Variants in NEXMIF observed in about 807,000 individuals in gnomAD.
NEXMIF encodes the protein XLMR protein related to neurite extension.
Under a neutral mutation model 62.1 loss-of-function variants are expected in NEXMIF, and 8 were observed. That is an observed-to-expected ratio of 0.13 (90% CI 0.08 to 0.23). NEXMIF has a LOEUF of 0.23. Ranked by LOEUF, NEXMIF falls within the 10% of genes least tolerant of loss-of-function variation. NEXMIF has a pLI of 1.00. For missense variants in NEXMIF, 976 were observed against 1,113.3 expected (o/e 0.88, Z 1.75); for synonymous variants, 404 against 416.6 (o/e 0.97, Z 0.37).
Position 74,744,421 on chromosome X carries a change from G to C in NEXMIF, c.136C>G (p.Pro46Ala), listed in dbSNP as rs762483701. The change falls in exon 3 of 4, where the codon CCT (proline) becomes GCT (alanine). Residue 46 changes from proline (P) to alanine (A), a missense_variant. Around this residue, in one of 5 missense-constraint regions of NEXMIF, gnomAD observed 126 missense variants for 146.5 expected, o/e 0.86. Coordinates refer to ENST00000055682, the MANE Select transcript of NEXMIF (RefSeq NM_001008537.3). ...TGTGCCACCGGTGTAGGCTGGATAG[G>C]TGCAGCAGCTTCTAGAGCTGCAAAT... ...KSFAALEAAAPIQPTPVAQKE... is the reference protein window; with the variant it reads ...KSFAALEAAAAIQPTPVAQKE... 8.3e-7 allele frequency: 1 copy of C among 1,208,119 alleles called. No homozygotes were observed.
chrX:74,787,121 A>AG (rs1204833084), intron 1 of NEXMIF, among the ~76,000 whole-genome samples: 2 of 105,989 alleles, frequency 1.9e-5, no homozygotes, highest in East Asian at 6.0e-4. Flanking sequence ...AAAAAAAAAA[A>AG]AAAGAAAAAA....
At chrX:74,819,384 C>G (rs764747962) in intron 1 of NEXMIF, among the ~76,000 whole-genome samples, 45 of 111,818 alleles carry the variant, frequency 4.0e-4, no homozygotes, top group Non-Finnish European at 7.3e-4. Context: ...AAACTATCAT[C>G]AGAGTGAATA....
intron 1 of NEXMIF, among the ~76,000 whole-genome samples, chrX:74,755,887 T>TA (rs1276245318): frequency 1.8e-5 from 2 of 111,842 alleles, no homozygotes; most frequent in East Asian, 5.6e-4. Context: ...AATTTTAAAT[T>TA]AAAAATTTTT....
chrX:74,741,316 G>A lies in NEXMIF; in HGVS notation c.3241C>T (p.Pro1081Ser). Residue 1081 changes from proline (P) to serine (S), a missense_variant, in exon 3 of 4, where the codon CCT (proline) becomes TCT (serine). By Grantham distance (74) the Pro-to-Ser change is moderately conservative. This residue lies in a region of NEXMIF where 639 missense variants were observed against 694.5 expected (regional missense o/e 0.92). Transcript: ENST00000055682. Reference sequence around the variant, plus strand: ...ATACTCTCACATCTGGTAATTTGAGGGGAAAGACTAGGGGTGTCCGGTGGG... The same window carrying A: ...ATACTCTCACATCTGGTAATTTGAGAGGAAAGACTAGGGGTGTCCGGTGGG... Reference protein sequence around the residue: ...MSPPDTPSLSPQITRCESMKT... With the variant: ...MSPPDTPSLSSQITRCESMKT... 8.3e-7 allele frequency: 1 copy of A among 1,211,415 alleles called. No homozygotes were observed. Among genetic ancestry groups the A allele is most frequent in the South Asian group, 1.8e-5 (1 of 56,943 alleles).
intron 3 of NEXMIF, 40 bp downstream of exon 3, chrX:74,740,060 C>A: frequency 8.6e-7 from 1 of 1,161,762 alleles, no homozygotes; most frequent in South Asian, 1.9e-5. Context: ...AGTAGGAGAG[C>A]TAAGGGTGCA....
At position 74,763,358 on chromosome X, in the gene NEXMIF, T is replaced by C. The variant is rs1363352702; in HGVS notation, c.-47-17661A>G. Among the ~76,000 whole-genome samples the C allele has an allele frequency of 4.5e-5, 5 of 112,067 alleles. No homozygotes were observed. In the East Asian group the frequency reaches 1.1e-3, roughly 25 times the overall value. ...TTTTGGTACCAGTACCATGCTGTTTTGGTTACTATAGCCTTGTAGTATAGT... is the reference window on the plus strand; with the variant it reads ...TTTTGGTACCAGTACCATGCTGTTTCGGTTACTATAGCCTTGTAGTATAGT... On this transcript the variant is annotated intron_variant, in intron 1 of 3. Transcript: ENST00000055682.
intron 1 of NEXMIF, among the ~76,000 whole-genome samples, chrX:74,806,431 A>T (rs909782927): frequency 9.0e-6 from 1 of 111,497 alleles, no homozygotes; most frequent in African/African-American, 3.3e-5. Context: ...AGTTGAAATT[A>T]TAAAAAATTC....
At chrX:74,760,468 T>A (rs2080172506) in intron 1 of NEXMIF, among the ~76,000 whole-genome samples, 1 of 112,086 alleles carries the variant, frequency 8.9e-6, no homozygotes, top group East Asian at 2.8e-4. Flanking sequence ...CTTGTGCCAG[T>A]TTTCAATGGA....
At chrX:74,855,343 G>GA (rs2080530962) in intron 1 of NEXMIF, among the ~76,000 whole-genome samples, 2 of 111,951 alleles carry the variant, frequency 1.8e-5, no homozygotes, top group South Asian at 7.3e-4. Context: ...ATGTTGCTGG[G>GA]AAAAATGGAT....
chrX:74,815,078 A>C, intron 1 of NEXMIF, among the ~76,000 whole-genome samples: 1 of 112,820 alleles, frequency 8.9e-6, no homozygotes, highest in Middle Eastern at 4.6e-3. Flanking sequence ...AGACAGATGT[A>C]GGATTTATTT....
intron 1 of NEXMIF, among the ~76,000 whole-genome samples, chrX:74,757,113 A>G: frequency 8.9e-6 from 1 of 111,983 alleles, no homozygotes; most frequent in Non-Finnish European, 1.9e-5. Context: ...CTCCAATATA[A>G]TAGCCTCTAG....
chrX:74,818,708 G>A (rs918354832), intron 1 of NEXMIF, among the ~76,000 whole-genome samples: 7 of 111,899 alleles, frequency 6.3e-5, no homozygotes, highest in Admixed American at 5.7e-4. Context: ...TGCAAACTAT[G>A]CATCTGACAA....
chrX:74,825,114 G>A (rs1462427132), intron 1 of NEXMIF, among the ~76,000 whole-genome samples: 3 of 111,584 alleles, frequency 2.7e-5, no homozygotes, highest in Non-Finnish European at 3.8e-5. Flanking sequence ...ATATTTCACT[G>A]TGGTTTTAAT....
At position 74,819,061 on chromosome X, in the gene NEXMIF, C is replaced by T. The variant is rs141172236; in HGVS notation, c.-47-73364G>A. On this transcript the variant is annotated intron_variant, in intron 1 of 3. Transcript: ENST00000055682. Reference sequence around the variant, plus strand: ...TACAACCATCTGATCTTTGACAAACCTTACAAAAACAAGAAATGGGAAAAG... The same window carrying T: ...TACAACCATCTGATCTTTGACAAACTTTACAAAAACAAGAAATGGGAAAAG... 7.4e-3 allele frequency among the ~76,000 whole-genome samples: 831 copies of T among 111,734 alleles called. 10 individuals are homozygous for T. Among genetic ancestry groups the T allele is most frequent in the African/African-American group, 0.025 (775 of 30,756 alleles).
At chrX:74,781,203 A>G (rs979632074) in intron 1 of NEXMIF, among the ~76,000 whole-genome samples, 2 of 112,216 alleles carry the variant, frequency 1.8e-5, no homozygotes, top group African/African-American at 6.5e-5. Flanking sequence ...AGACTTTGAT[A>G]AAGTTTCACT....
At chrX:74,884,905 T>A (rs1472946324) in intron 1 of NEXMIF, among the ~76,000 whole-genome samples, 2 of 111,042 alleles carry the variant, frequency 1.8e-5, no homozygotes, top group Non-Finnish European at 3.8e-5. Context: ...AGTAAAGCAG[T>A]CCTCAGCAAA....
chrX:74,762,928 C>A (rs2147450778), intron 1 of NEXMIF, among the ~76,000 whole-genome samples: 1 of 111,508 alleles, frequency 9.0e-6, no homozygotes, highest in East Asian at 2.8e-4. Context: ...CCTGTTCATT[C>A]TGATGGTAGT....
At chrX:74,870,693 AAATGGCAAACAGGTAC>A (rs1359178188) in intron 1 of NEXMIF, among the ~76,000 whole-genome samples, 1 of 112,128 alleles carries the variant, frequency 8.9e-6, no homozygotes, top group Non-Finnish European at 1.9e-5. Flanking sequence ...CAAGACATAC[AAATGGCAAACAGGTAC>A]AATGGCTCAA....
chrX:74,740,956 G>T lies in NEXMIF; in HGVS notation c.3601C>A (p.Leu1201Ile). The T allele has an allele frequency of 8.3e-7, 1 of 1,211,738 alleles. No homozygotes were observed. The highest frequency in any genetic ancestry group is 2.2e-5 in the Admixed American group (1 of 46,041). The part of the protein sequence containing the change: ...SSQKNTRKKS[L>I]KGNNKGIEKP... Reference sequence around the variant, plus strand: ...TCAATCCCCTTGTTGTTACCTTTGAGGGATTTTTTCCTGGTGTTTTTCTGA... The same window carrying T: ...TCAATCCCCTTGTTGTTACCTTTGATGGATTTTTTCCTGGTGTTTTTCTGA... Residue 1201 changes from leucine to isoleucine, a missense_variant, in exon 3 of 4, where the codon CTC becomes ATC. Transcript: ENST00000055682.
Sources: gnomAD v4.1 joint callset for allele counts (sites outside exome capture counted in the v4.1 genomes callset) on GRCh38, gnomAD v4.1.1 for gene constraint, gnomAD v4.1.1 regional missense constraint, MANE v1.5 for transcripts, NCBI Gene and HGNC (gene_info 2026-07-23, HGNC 2026-07-21) for gene names.